Variants in PTCH2 observed in about 807,000 individuals in gnomAD.
PTCH2 encodes the protein protein patched homolog 2.
In PTCH2, 96 loss-of-function variants were observed where a neutral mutation model predicts 117.9. The observed-to-expected ratio is 0.81, with a 90% CI of 0.69 to 0.96. PTCH2 has a LOEUF of 0.96. Ranked by LOEUF, PTCH2 falls within the 50% of genes least tolerant of loss-of-function variation. PTCH2 has a pLI of 0.00. For missense variants in PTCH2, 1,379 were observed against 1,562.5 expected (o/e 0.88, Z 1.98); for synonymous variants, 615 against 660.9 (o/e 0.93, Z 1.06).
At position 44,827,202 on chromosome 1, in the gene PTCH2, T is replaced by A. The variant is rs1557643844; in HGVS notation, c.2479A>T (p.Thr827Ser). 1.9e-6 allele frequency: 3 copies of A among 1,613,884 alleles called. No individual in the cohort carries two copies. Among genetic ancestry groups the A allele is most frequent in the Non-Finnish European group, 2.5e-6 (3 of 1,179,992 alleles). The change falls in exon 16 of 22, where the codon ACT becomes TCT. Residue 827 changes from threonine (T) to serine (S), a missense_variant. Physicochemically the swap from Thr to Ser is moderately conservative, Grantham distance 58 (BLOSUM62 1). Transcript: ENST00000372192. Reference protein sequence around the residue: ...GALAYKLLIQTGDAQEPLDFS... With the variant: ...GALAYKLLIQSGDAQEPLDFS... ...TCCAGAGGCTCCTGGGCGTCTCCAG[T>A]CTGGATGAGCAGCTTGTAGGCCAGG...
chr1:44,820,567 G>C (rs1652870755), downstream of PTCH2: 1 of 674,082 alleles, frequency 1.5e-6, no homozygotes. Context: ...GGGGAGGTGA[G>C]AAAGTGTTCT....
chr1:44,842,885 G>A lies in PTCH2; in HGVS notation c.48C>T (p.Pro16=), dbSNP rs1241582640. ...CCTGGGGTGCTGCGGTTCGAGCTGGGGGTGTGTAACTCGGGGGCAGCTCTC... is the reference window on the plus strand; with the variant it reads ...CCTGGGGTGCTGCGGTTCGAGCTGGAGGTGTGTAACTCGGGGGCAGCTCTC... ...PLRELPPSYT[P]PARTAAPQIL... Residue 16 remains proline (P), a synonymous_variant, in exon 1 of 22, where the codon CCC becomes CCT. Coordinates refer to ENST00000372192, the MANE Select transcript of PTCH2 (RefSeq NM_003738.5). 4 of 1,550,854 alleles carry A rather than the reference G, an allele frequency of 2.6e-6. No homozygotes were observed. The East Asian group carries it at 9.8e-5, about 38-fold the overall frequency.
At chr1:44,824,423 G>A (rs1424849698) in intron 19 of PTCH2, among the ~76,000 whole-genome samples, 4 of 152,034 alleles carry the variant, frequency 2.6e-5, no homozygotes, top group Non-Finnish European at 5.9e-5. Context: ...GCCCTCCTTG[G>A]TTCTGGCATC....
At chr1:44,822,718 C>T (rs557517358) in intron 21 of PTCH2, 49 bp from the exon 22 acceptor site, 29 of 1,580,562 alleles carry the variant, frequency 1.8e-5, no homozygotes, top group Admixed American at 1.0e-4. Context: ...CTGGGGCTCC[C>T]GTCCCCTTTA....
At chr1:44,832,947 GGA>G (rs1653524775) in intron 2 of PTCH2, among the ~76,000 whole-genome samples, 1 of 152,166 alleles carries the variant, frequency 6.6e-6, no homozygotes, top group African/African-American at 2.4e-5. Flanking sequence ...TTGGTGTGGG[GGA>G]GAGGGAGGAT....
At chr1:44,819,850 T>G (rs562025324), downstream of PTCH2, 2 of 152,930 alleles carry the variant, frequency 1.3e-5, no homozygotes, top group Admixed American at 1.3e-4. Flanking sequence ...GTTCCTTGGT[T>G]GTAGTTGCCT....
At chr1:44,829,349 G>A (rs550790748) in intron 9 of PTCH2, 37 bp from the exon 10 acceptor site, 6 of 1,613,956 alleles carry the variant, frequency 3.7e-6, no homozygotes, top group South Asian at 3.3e-5. Context: ...GGCTCCCAGG[G>A]TGGGCACTGG....
rs2148874234 is a variant in PTCH2, at chr1:44,826,680, C to A, written c.2784G>T (p.Glu928Asp). The A allele has an allele frequency of 6.2e-7, 1 of 1,607,814 alleles. No individual in the cohort carries two copies. Among genetic ancestry groups the A allele is most frequent in the Middle Eastern group, 1.7e-4 (1 of 6,014 alleles). The change falls in exon 18 of 22, where the codon GAG (glutamate) becomes GAT (aspartate). Residue 928 changes from glutamate to aspartate, a missense_variant. By Grantham distance (45) the Glu-to-Asp change is conservative. Transcript: ENST00000372192. This position sits in a 1 kb window ranked among gnomAD's most constrained non-coding sequence, Gnocchi z 5.1. ...CCTCTGCGCATGCTGCCCGGGCCCCCTCGATGGCCTCCACAAAGTCTGCAG... is the reference window on the plus strand; with the variant it reads ...CCTCTGCGCATGCTGCCCGGGCCCCATCGATGGCCTCCACAAAGTCTGCAG... ...QKTADFVEAI[E>D]GARAACAEAG...
rs774801413 is a variant in PTCH2, at chr1:44,822,147, G to C, written c.*268C>G. On this transcript the variant is annotated 3_prime_UTR_variant, in exon 22 of 22. Coordinates refer to ENST00000372192, the MANE Select transcript of PTCH2 (RefSeq NM_003738.5). ...GGTCAGCTGGGCAGGCAGTGGTGTG[G>C]GGTGGGAAGGGGGACAGGGCTGCAC... The C allele has an allele frequency of 1.4e-6, 2 of 1,413,420 alleles. No individual in the cohort carries two copies. Among genetic ancestry groups the C allele is most frequent in the African/African-American group, 1.4e-5 (1 of 69,354 alleles). The allele number at this position is 1,413,420 out of a possible 1,614,324, so 87.6% of individuals were successfully genotyped here. A position where few individuals can be genotyped will look rare whatever the true frequency, so the allele number is the denominator to read the frequency against.
rs779203324 is a variant in PTCH2, at chr1:44,827,054, T to C, written c.2543A>G (p.Glu848Gly). 1 of 1,614,090 alleles carries C rather than the reference T, an allele frequency of 6.2e-7. No individual in the cohort carries two copies. Among genetic ancestry groups the C allele is most frequent in the Non-Finnish European group, 8.5e-7 (1 of 1,180,006 alleles). Residue 848 changes from glutamate (E) to glycine (G), a missense_variant, in exon 17 of 22, where the codon GAG (glutamate) becomes GGG (glycine). Glu to Gly is a moderately conservative substitution (Grantham distance 98). Transcript: ENST00000372192. ...QLTTRKLVDR[E>G]GLIPPELFYM... ...GAAGAGCTCGGGTGGAATCAGTCCC[T>C]CTCTGTCCACCAGCTTCCTTGTGGT...
chr1:44,836,602 G>A (rs1653698180), intron 2 of PTCH2, among the ~76,000 whole-genome samples: 1 of 152,120 alleles, frequency 6.6e-6, no homozygotes, highest in African/African-American at 2.4e-5. Flanking sequence ...CTACTGAGGA[G>A]GCTGAGGCAG....
chr1:44,829,980 G>A lies in PTCH2; in HGVS notation c.864C>T (p.His288=). ...ELSGGCHGFS[H]KFMHWQEELL... Reference sequence around the variant, plus strand: ...ATTCCTCCTGCCAGTGCATGAATTTGTGGGAGAAGCCATGGCAGCCCCCAC... The same window carrying A: ...ATTCCTCCTGCCAGTGCATGAATTTATGGGAGAAGCCATGGCAGCCCCCAC... Residue 288 remains histidine (H), a synonymous_variant, in exon 7 of 22, where the codon CAC becomes CAT. Transcript: ENST00000372192. The A allele has an allele frequency of 6.2e-7, 1 of 1,614,192 alleles. No individual in the cohort carries two copies. The highest frequency in any genetic ancestry group is 1.3e-5 in the African/African-American group (1 of 75,058).
Position 44,822,447 on chromosome 1 carries a change from T to G in PTCH2, c.3580A>C (p.Ser1194Arg). 1.9e-6 allele frequency: 3 copies of G among 1,613,854 alleles called. No homozygotes were observed. Among genetic ancestry groups the G allele is most frequent in the Non-Finnish European group, 2.5e-6 (3 of 1,179,982 alleles). The change falls in exon 22 of 22, where the codon AGT (serine) becomes CGT (arginine). Residue 1194 changes from serine to arginine, a missense_variant. Transcript: ENST00000372192. Reference sequence around the variant, plus strand: ...GTGGCTGGACCTGGTCCCCTGGAACTGAGGTTGCCAGAGCTAGTGGCAGCA... The same window carrying G: ...GTGGCTGGACCTGGTCCCCTGGAACGGAGGTTGCCAGAGCTAGTGGCAGCA... ...SPAATSSGNL[S>R]SRGPGPATG
chr1:44,833,005 T>A (rs1653526370), intron 2 of PTCH2, among the ~76,000 whole-genome samples: 1 of 152,094 alleles, frequency 6.6e-6, no homozygotes, highest in African/African-American at 2.4e-5. Context: ...AGAAAGTGCA[T>A]GGAATCAGCT....
At position 44,826,746 on chromosome 1, in the gene PTCH2, C is replaced by T; in HGVS notation, c.2718G>A (p.Glu906=). Residue 906 remains glutamate, a synonymous_variant, in exon 18 of 22, where the codon GAG becomes GAA. Coordinates refer to ENST00000372192, the MANE Select transcript of PTCH2 (RefSeq NM_003738.5). The surrounding 1 kb of genome is among the most constrained non-coding windows in gnomAD (Gnocchi z 5.1). The part of the protein sequence containing the change: ...NLRIPPAQPL[E]FAQFPFLLRG... The stretch of plus-strand genomic sequence containing the variant: ...GCAGCAGGAAGGGGAACTGGGCAAA[C>T]TCCAAGGGCTGAGCTGGCGGGACTG... 6.3e-7 allele frequency: 1 copy of T among 1,595,932 alleles called. No individual in the cohort carries two copies. The highest frequency in any genetic ancestry group is 8.6e-7 in the Non-Finnish European group (1 of 1,169,324).
downstream of PTCH2, chr1:44,821,886 C>A (rs1403611494): frequency 7.3e-7 from 1 of 1,365,466 alleles, no homozygotes; most frequent in South Asian, 1.1e-5. Flanking sequence ...AGCTAATGTT[C>A]ACTTGCAAAC....
chr1:44,839,361 CAAAAAAA>C (rs57053705), intron 2 of PTCH2, among the ~76,000 whole-genome samples: 71 of 75,620 alleles, frequency 9.4e-4, no homozygotes, highest in Middle Eastern at 8.9e-3. Flanking sequence ...GACTTACTCT[CAAAAAAA>C]AAAAAAAAAA....
At chr1:44,837,095 G>C (rs947596241) in intron 2 of PTCH2, among the ~76,000 whole-genome samples, 2 of 152,152 alleles carry the variant, frequency 1.3e-5, no homozygotes, top group African/African-American at 4.8e-5. Context: ...AAAGAAACTG[G>C]GTCCTTGCTA....
downstream of PTCH2, chr1:44,819,917 T>C (rs41269083): frequency 5.4e-3 from 822 of 153,360 alleles, 4 homozygotes; most frequent in Middle Eastern, 0.02. Context: ...AAAAATTGAA[T>C]AAAAACTCAC....
Sources: allele counts gnomAD v4.1 joint callset (sites outside exome capture counted in the v4.1 genomes callset), GRCh38; gene constraint gnomAD v4.1.1; non-coding constraint Gnocchi (gnomAD v3.1); transcripts MANE v1.5; gene names NCBI Gene and HGNC (gene_info 2026-07-23, HGNC 2026-07-21).